The following EXOC6 variants were observed in gnomAD, a reference collection of about 807,000 sequenced individuals.
EXOC6 encodes the protein exocyst complex component 6.
EXOC6 carries 60 observed loss-of-function variants against 112.5 expected under a neutral mutation model. The observed-to-expected ratio is 0.53, with a 90% CI of 0.43 to 0.66. The LOEUF is 0.66. Among genes scored for constraint, EXOC6 ranks in the 30% least tolerant of loss-of-function variants. The pLI, the probability that EXOC6 is intolerant of heterozygous loss-of-function variation, is 0.00. For missense variants in EXOC6, 855 were observed against 957.1 expected (o/e 0.89, Z 1.41); for synonymous variants, 295 against 308.0 (o/e 0.96, Z 0.44).
intron 1 of EXOC6, among the ~76,000 whole-genome samples, chr10:92,858,586 T>C (rs995377512): frequency 1.3e-5 from 2 of 152,202 alleles, no homozygotes; most frequent in Non-Finnish European, 2.9e-5. Flanking sequence ...ACTCTGGAAT[T>C]TCCAATTATT....
At chr10:92,830,117 A>G (rs558594181), upstream of EXOC6, among the ~76,000 whole-genome samples, 2 of 152,286 alleles carry the variant, frequency 1.3e-5, no homozygotes, top group Non-Finnish European at 1.5e-5. Flanking sequence ...GCCATTCTTT[A>G]TTCCTTTATT....
chr10:92,971,681 T>C (rs1048907696), intron 17 of EXOC6, among the ~76,000 whole-genome samples: 2 of 152,182 alleles, frequency 1.3e-5, no homozygotes, highest in African/African-American at 4.8e-5. Flanking sequence ...TACTTTTTAA[T>C]AATTTCTATT....
chr10:92,909,553 C>G lies in EXOC6; in HGVS notation c.585C>G (p.Ile195Met), dbSNP rs533835814. The part of the protein sequence containing the change: ...LPKLREDIKE[I>M]SMSDLKDFLE... ...AACTCCGTGAGGATATTAAAGAAATCTCCATGTCTGATCTCAAAGACTTTT... is the reference window on the plus strand; with the variant it reads ...AACTCCGTGAGGATATTAAAGAAATGTCCATGTCTGATCTCAAAGACTTTT... The change falls in exon 6 of 22, where the codon ATC (isoleucine) becomes ATG (methionine). Residue 195 changes from isoleucine to methionine, a missense_variant. This residue lies in a region of EXOC6 where 405 missense variants were observed against 393.6 expected (regional missense o/e 1.03). Transcript: ENST00000260762. The G allele has an allele frequency of 5.0e-6, 8 of 1,613,014 alleles. 1 individual carries two copies. The highest frequency in any genetic ancestry group is 6.8e-6 in the Non-Finnish European group (8 of 1,179,340).
At chr10:92,924,569 C>G (rs900358003) in intron 8 of EXOC6, among the ~76,000 whole-genome samples, 2 of 152,134 alleles carry the variant, frequency 1.3e-5, no homozygotes, top group African/African-American at 4.8e-5. Context: ...ATACCATTCT[C>G]TTTTGTTAAA....
chr10:92,948,307 C>A lies in EXOC6; in HGVS notation c.1344C>A (p.Ile448=), dbSNP rs115669585. The change falls in exon 14 of 22, where the codon ATC becomes ATA. Residue 448 remains isoleucine, a synonymous_variant. Transcript: ENST00000260762. ...TTGAAGAAGATAATTACAGCCCCAT[C>A]CCTGTTGTCAATGAAGAAGAATATA... The part of the protein sequence containing the change: ...DIFEEDNYSP[I]PVVNEEEYKI... The A allele has an allele frequency of 6.0e-4, 966 of 1,609,256 alleles. 5 individuals are homozygous for A. In the African/African-American group the frequency reaches 0.012, roughly 19 times the overall value.
chr10:92,896,160 TATATATATATATATATATA>T (rs1849780321), intron 4 of EXOC6, among the ~76,000 whole-genome samples: 1 of 23,368 alleles, frequency 4.3e-5, no homozygotes, highest in Non-Finnish European at 7.0e-5. Context: ...TATATATATA[TATATATATATATATATATA>T]TATTTTTTTT....
At chr10:92,966,395 T>C (rs1049229253) in intron 17 of EXOC6, among the ~76,000 whole-genome samples, 1 of 147,086 alleles carries the variant, frequency 6.8e-6, no homozygotes, top group Non-Finnish European at 1.5e-5. Flanking sequence ...CATTAACTCG[T>C]CATTTAGCAT....
chr10:92,951,558 T>G (rs1853414063), intron 14 of EXOC6, among the ~76,000 whole-genome samples: 1 of 152,200 alleles, frequency 6.6e-6, no homozygotes, highest in African/African-American at 2.4e-5. Context: ...GATGGTACTT[T>G]CACCGATATA....
chr10:92,877,081 C>A (rs536821288), intron 1 of EXOC6, among the ~76,000 whole-genome samples: 27 of 152,186 alleles, frequency 1.8e-4, no homozygotes, highest in African/African-American at 5.5e-4. Context: ...AGGAAACTTA[C>A]CCTTTGTGGT....
chr10:92,930,123 C>T (rs1039854952), intron 9 of EXOC6, among the ~76,000 whole-genome samples: 6 of 152,172 alleles, frequency 3.9e-5, no homozygotes, highest in East Asian at 1.9e-4. Context: ...TACTCCACCC[C>T]GGATGGAAGA....
At chr10:92,833,307 G>A (rs1367764840), upstream of EXOC6, among the ~76,000 whole-genome samples, 1 of 152,232 alleles carries the variant, frequency 6.6e-6, no homozygotes, top group African/African-American at 2.4e-5. Context: ...TCCCCTGAAG[G>A]TCTGTGGACC....
chr10:92,829,183 G>A (rs1846432720), intron 1 of EXOC6, among the ~76,000 whole-genome samples: 1 of 152,082 alleles, frequency 6.6e-6, no homozygotes, highest in African/African-American at 2.4e-5. Flanking sequence ...TGGCCAAGTG[G>A]TAAGCCCATT....
intron 17 of EXOC6, among the ~76,000 whole-genome samples, chr10:92,956,294 A>G (rs185629755): frequency 5.3e-5 from 8 of 152,244 alleles, no homozygotes; most frequent in Admixed American, 3.9e-4. Flanking sequence ...GGCTTAGTCT[A>G]GTGTGTATAA....
intron 1 of EXOC6, among the ~76,000 whole-genome samples, chr10:92,854,992 A>T (rs1847531732): frequency 6.6e-6 from 1 of 152,100 alleles, no homozygotes; most frequent in Admixed American, 6.5e-5. Context: ...GATAAATCTC[A>T]TTTGGCCATA....
chr10:92,903,854 T>G (rs1850304053), intron 5 of EXOC6, among the ~76,000 whole-genome samples: 1 of 152,136 alleles, frequency 6.6e-6, no homozygotes. Context: ...CTCTGTGTTG[T>G]ACAGTTCTGT....
chr10:93,041,506 C>G (rs1385210792), intron 20 of EXOC6, among the ~76,000 whole-genome samples: 1 of 151,946 alleles, frequency 6.6e-6, no homozygotes. Flanking sequence ...ATTCTTCTGC[C>G]TCAGCCTCCC....
intron 8 of EXOC6, 58 bp from the exon 9 acceptor site, chr10:92,928,279 CTG>C (rs2133934255): frequency 1.2e-6 from 1 of 829,922 alleles, no homozygotes; most frequent in South Asian, 1.7e-5. Flanking sequence ...AAAGAAGTAT[CTG>C]TTTTAGTTGT....
intron 5 of EXOC6, chr10:92,901,264 GT>G (rs1253993424): frequency 6.6e-6 from 1 of 151,996 alleles, no homozygotes; most frequent in Non-Finnish European, 1.5e-5. Flanking sequence ...TTCCTAACAG[GT>G]TTTCACCCAG....
intron 19 of EXOC6, among the ~76,000 whole-genome samples, chr10:93,002,625 T>C (rs1430559975): frequency 6.6e-6 from 1 of 152,182 alleles, no homozygotes; most frequent in East Asian, 1.9e-4. Context: ...AGGTCAATTA[T>C]TCAGAACCTT....
Sources: gnomAD v4.1 joint callset for allele counts (sites outside exome capture counted in the v4.1 genomes callset) on GRCh38, gnomAD v4.1.1 for gene constraint, gnomAD v4.1.1 regional missense constraint, MANE v1.5 for transcripts, NCBI Gene and HGNC (gene_info 2026-07-23, HGNC 2026-07-21) for gene names.